The following ADGRB3 variants were observed in gnomAD, a reference collection of about 807,000 sequenced individuals.
ADGRB3 encodes the protein adhesion G protein-coupled receptor B3.
Under a neutral mutation model 193.4 loss-of-function variants are expected in ADGRB3, and 37 were observed. The ratio of observed to expected loss-of-function variants is 0.19; its 90% CI spans 0.15 to 0.25. The LOEUF is 0.25. Among genes scored for constraint, ADGRB3 ranks in the 10% least tolerant of loss-of-function variants. ADGRB3 has a pLI of 1.00. For synonymous variants in ADGRB3, 690 were observed against 644.2 expected (o/e 1.07, Z -1.08); for missense variants, 1,637 against 1,852.9 (o/e 0.88, Z 2.14).
chr6:69,216,441 A>G (rs943394782), intron 17 of ADGRB3, among the ~76,000 whole-genome samples: 2 of 152,172 alleles, frequency 1.3e-5, no homozygotes, highest in Admixed American at 1.3e-4. Flanking sequence ...TGGTTATCAG[A>G]GGGTACTCCT....
intron 11 of ADGRB3, among the ~76,000 whole-genome samples, chr6:69,008,654 G>A (rs373845653): frequency 6.6e-6 from 1 of 152,224 alleles, no homozygotes. Flanking sequence ...CTTGTGTTTG[G>A]CATAGGATGA....
In ADGRB3 at chr6:68,717,608, A is replaced by AT. The variant is rs774431459; in HGVS notation, c.757+78185dup. ...GTACTGGGAAAGCGCTGGAAGCACC[A>AT]TTTTTTTTTAAGAATTTCATGTACT... On this transcript the variant is annotated intron_variant, in intron 3 of 31. Coordinates refer to ENST00000370598, the MANE Select transcript of ADGRB3 (RefSeq NM_001704.3). Among the ~76,000 whole-genome samples, 191 of 150,746 alleles carry AT rather than the reference A, an allele frequency of 1.3e-3. 2 individuals are homozygous for AT. The highest frequency in any genetic ancestry group is 4.2e-3 in the African/African-American group (175 of 41,226).
intron 17 of ADGRB3, among the ~76,000 whole-genome samples, chr6:69,147,516 T>C (rs1373533267): frequency 6.6e-6 from 1 of 152,226 alleles, no homozygotes; most frequent in Non-Finnish European, 1.5e-5. Context: ...ACACTTCATA[T>C]GATTTAATTT....
intron 17 of ADGRB3, among the ~76,000 whole-genome samples, chr6:69,164,375 A>G (rs1775079118): frequency 6.6e-6 from 1 of 152,128 alleles, no homozygotes; most frequent in East Asian, 1.9e-4. Context: ...AAGTTAGAAA[A>G]AAAAAAGCTT....
At chr6:69,315,629 T>C (rs1768294347) in intron 20 of ADGRB3, among the ~76,000 whole-genome samples, 1 of 151,404 alleles carries the variant, frequency 6.6e-6, no homozygotes, top group African/African-American at 2.4e-5. Context: ...ACTGTGGTCG[T>C]CACCAAAATT....
intron 3 of ADGRB3, among the ~76,000 whole-genome samples, chr6:68,814,686 A>T (rs985588364): frequency 1.3e-5 from 2 of 152,160 alleles, no homozygotes; most frequent in Non-Finnish European, 2.9e-5. Flanking sequence ...ACAACAAAAC[A>T]AGAGAATTTT....
intron 15 of ADGRB3, among the ~76,000 whole-genome samples, 163 bp downstream of exon 15, chr6:69,049,509 G>A (rs1393876854): frequency 6.6e-6 from 1 of 152,068 alleles, no homozygotes; most frequent in Non-Finnish European, 1.5e-5. Flanking sequence ...TAGCAATTAT[G>A]CATTTCAAAA....
At chr6:69,256,018 T>C (rs908997907) in intron 20 of ADGRB3, among the ~76,000 whole-genome samples, 2 of 151,982 alleles carry the variant, frequency 1.3e-5, no homozygotes, top group African/African-American at 2.4e-5. Flanking sequence ...GTTGTAGATA[T>C]GCGGCATTAT....
intron 20 of ADGRB3, among the ~76,000 whole-genome samples, chr6:69,315,548 G>T (rs1369442053): frequency 6.6e-6 from 1 of 151,336 alleles, no homozygotes; most frequent in Non-Finnish European, 1.5e-5. Context: ...TAGTCTGCAA[G>T]AACTGTGGTC....
chr6:69,301,805 A>AT (rs1375177813), intron 20 of ADGRB3, among the ~76,000 whole-genome samples: 1 of 151,958 alleles, frequency 6.6e-6, no homozygotes, highest in African/African-American at 2.4e-5. Context: ...TTCACAAAAT[A>AT]TTTTTTAATC....
At chr6:68,826,192 T>C (rs76173717) in intron 3 of ADGRB3, among the ~76,000 whole-genome samples, 6,294 of 152,142 alleles carry the variant, frequency 0.041, 453 homozygotes, top group African/African-American at 0.14. Context: ...TTAAAAGGAA[T>C]AAGTAATGCA....
intron 3 of ADGRB3, among the ~76,000 whole-genome samples, chr6:68,782,023 A>C (rs1240085676): frequency 6.6e-6 from 1 of 151,638 alleles, no homozygotes; most frequent in African/African-American, 2.4e-5. Flanking sequence ...CACAATGTGC[A>C]GGTTTGTTAC....
At chr6:68,887,512 G>A (rs908485474) in intron 3 of ADGRB3, among the ~76,000 whole-genome samples, 15 of 152,052 alleles carry the variant, frequency 9.9e-5, no homozygotes, top group Non-Finnish European at 2.1e-4. Context: ...ACAACATAAC[G>A]AGTTTCAACA....
chr6:68,827,763 A>G (rs1767872598), intron 3 of ADGRB3, among the ~76,000 whole-genome samples: 1 of 152,078 alleles, frequency 6.6e-6, no homozygotes, highest in South Asian at 2.1e-4. Flanking sequence ...GTAGTGCATC[A>G]TCTTTGTTAG....
chr6:68,765,577 C>CACACACACACACA (rs1582182472), intron 3 of ADGRB3, among the ~76,000 whole-genome samples: 2 of 149,478 alleles, frequency 1.3e-5, no homozygotes, highest in South Asian at 2.1e-4. Context: ...CACACACACA[C>CACACACACACACA]CTGGAGCAGA....
At chr6:68,718,569 T>G (rs1765523224) in intron 3 of ADGRB3, among the ~76,000 whole-genome samples, 1 of 151,780 alleles carries the variant, frequency 6.6e-6, no homozygotes, top group Non-Finnish European at 1.5e-5. Flanking sequence ...TGAAATTCCC[T>G]TCTCTCCATA....
chr6:69,264,159 C>A (rs950780783), intron 20 of ADGRB3, among the ~76,000 whole-genome samples: 1 of 151,870 alleles, frequency 6.6e-6, no homozygotes, highest in African/African-American at 2.4e-5. Flanking sequence ...ATTAAAATTT[C>A]TTGAAAAAGA....
rs572762247 is a variant in ADGRB3 at position 68,794,230 on chromosome 6, G to A, written c.758-136329G>A. On this transcript the variant is annotated intron_variant, in intron 3 of 31. Coordinates refer to ENST00000370598, the MANE Select transcript of ADGRB3 (RefSeq NM_001704.3). ...TGGAAATGATACAAAGCTATAGCCA[G>A]AGCAATCATGTAAATCCAAATATAA... Among the ~76,000 whole-genome samples the A allele has an allele frequency of 3.3e-5, 5 of 152,072 alleles. No homozygotes were observed. In the East Asian group the frequency reaches 7.7e-4, roughly 23 times the overall value.
At chr6:68,906,038 C>T (rs1766535432) in intron 3 of ADGRB3, among the ~76,000 whole-genome samples, 2 of 151,914 alleles carry the variant, frequency 1.3e-5, no homozygotes, top group South Asian at 4.2e-4. Flanking sequence ...ATAAAGATAA[C>T]ATAAACTATA....
Sources: allele counts gnomAD v4.1 joint callset (sites outside exome capture counted in the v4.1 genomes callset), GRCh38; gene constraint gnomAD v4.1.1; transcripts MANE v1.5; gene names NCBI Gene and HGNC (gene_info 2026-07-23, HGNC 2026-07-21).